Variants in NCOA2 observed in about 807,000 individuals in gnomAD.
NCOA2 encodes the protein nuclear receptor coactivator 2.
A neutral mutation model predicts 145.1 loss-of-function variants in NCOA2; 21 were observed. That is an observed-to-expected ratio of 0.14 (90% CI 0.10 to 0.21). The LOEUF (loss-of-function observed/expected upper bound fraction) is 0.21, where lower values mean the gene tolerates loss of function less well. NCOA2 is among the 10% of genes least tolerant of loss of function. The probability of loss-of-function intolerance (pLI) is 1.00; values close to 1 mark genes in which losing one functional copy is unlikely to be tolerated. For missense variants in NCOA2, 1,472 were observed against 1,837.6 expected, an observed-to-expected ratio of 0.80 and a Z score of 3.64; for synonymous variants, 619 against 637.5, an observed-to-expected ratio of 0.97 and a Z score of 0.44.
chr8:70,162,989 A>G (rs1813213190), intron 8 of NCOA2, 135 bp from the exon 9 acceptor site: 2 of 824,088 alleles, frequency 2.4e-6, no homozygotes, highest in African/African-American at 1.9e-5. Context: ...ATCTCAGCTC[A>G]CTGCAACCTC....
chr8:70,320,929 C>T (rs575730346), intron 1 of NCOA2, among the ~76,000 whole-genome samples: 1 of 152,228 alleles, frequency 6.6e-6, no homozygotes, highest in Non-Finnish European at 1.5e-5. Flanking sequence ...AAATATATAA[C>T]TTTCTGTATT....
At chr8:70,127,762 G>A (rs1365352101) in intron 18 of NCOA2, among the ~76,000 whole-genome samples, 1 of 152,216 alleles carries the variant, frequency 6.6e-6, no homozygotes, top group African/African-American at 2.4e-5. Context: ...CATGAGCACA[G>A]TGGTAAAACA....
At chr8:70,401,575 G>T (rs1157633498) in intron 1 of NCOA2, among the ~76,000 whole-genome samples, 1 of 151,420 alleles carries the variant, frequency 6.6e-6, no homozygotes, top group African/African-American at 2.4e-5. Context: ...CATCCCCAAT[G>T]CCGAAGTTTC....
At chr8:70,183,242 T>C (rs1815684362) in intron 4 of NCOA2, among the ~76,000 whole-genome samples, 1 of 152,092 alleles carries the variant, frequency 6.6e-6, no homozygotes, top group Non-Finnish European at 1.5e-5. Flanking sequence ...GTGAAAGAAA[T>C]GAGAAGTGAG....
chr8:70,174,435 A>G (rs1183552138), intron 5 of NCOA2, among the ~76,000 whole-genome samples: 2 of 152,232 alleles, frequency 1.3e-5, no homozygotes, highest in Non-Finnish European at 2.9e-5. Flanking sequence ...TTTTGAGAAC[A>G]TTTCAAGCTA....
chr8:70,415,277 C>T, the NCOA2 span, among the ~76,000 whole-genome samples: 1 of 151,884 alleles, frequency 6.6e-6, no homozygotes, highest in African/African-American at 2.4e-5. Context: ...TTCAGTGAGC[C>T]ATGTTCACAC....
At chr8:70,288,344 C>T (rs972771312) in intron 2 of NCOA2, among the ~76,000 whole-genome samples, 2 of 151,994 alleles carry the variant, frequency 1.3e-5, no homozygotes, top group Non-Finnish European at 1.5e-5. Flanking sequence ...TTTGGGAGGC[C>T]AAGGTGGGCA....
At chr8:70,364,012 G>GA (rs151109691) in intron 1 of NCOA2, among the ~76,000 whole-genome samples, 3,985 of 134,336 alleles carry the variant, frequency 0.03, 69 homozygotes, top group Non-Finnish European at 0.039. Context: ...ATACAACAAT[G>GA]AAAAAAAAAA....
At chr8:70,312,508 T>C (rs1353046440) in intron 1 of NCOA2, among the ~76,000 whole-genome samples, 3 of 152,234 alleles carry the variant, frequency 2.0e-5, no homozygotes, top group Non-Finnish European at 4.4e-5. Context: ...CTGACTGATA[T>C]ATACTTCAGA....
chr8:70,434,098 T>C, the NCOA2 span, among the ~76,000 whole-genome samples: 1 of 151,976 alleles, frequency 6.6e-6, no homozygotes. Context: ...AATAAATAAA[T>C]AACCAGGGAA....
At chr8:70,275,641 A>G (rs1825409589) in intron 2 of NCOA2, among the ~76,000 whole-genome samples, 1 of 152,190 alleles carries the variant, frequency 6.6e-6, no homozygotes, top group African/African-American at 2.4e-5. Context: ...ATATGAAAAA[A>G]ATTTTGAATT....
chr8:70,403,347 C>G (rs1016986018), intron 1 of NCOA2, among the ~76,000 whole-genome samples: 7 of 151,126 alleles, frequency 4.6e-5, no homozygotes, highest in African/African-American at 1.5e-4. Context: ...TCGCCCGCGC[C>G]GCGGGCTGCA....
intron 2 of NCOA2, among the ~76,000 whole-genome samples, chr8:70,218,211 T>TTG (rs1819824288): frequency 6.6e-6 from 1 of 150,944 alleles, no homozygotes; most frequent in Non-Finnish European, 1.5e-5. Flanking sequence ...TTTTTTTTTT[T>TTG]TTTTTTTAAA....
chr8:70,113,889 A>G (rs576339755), intron 22 of NCOA2, among the ~76,000 whole-genome samples: 2 of 152,312 alleles, frequency 1.3e-5, no homozygotes, highest in South Asian at 2.1e-4. Context: ...CTCGCAGGCC[A>G]TCGTCTGCAA....
chr8:70,123,934 A>G lies in NCOA2; in HGVS notation c.4243T>C (p.Ser1415Pro). ...NQMTGQISMT[S>P]VTSVPTSGLS... is the part of the protein sequence containing the mutation. Reference sequence around the variant, plus strand: ...CCTGACGTAGGCACGGAGGTCACTGAGGTCATGCTGATCTGTCCTGTCATC... The same window carrying G: ...CCTGACGTAGGCACGGAGGTCACTGGGGTCATGCTGATCTGTCCTGTCATC... The change falls in exon 21 of 23, where the codon TCA becomes CCA. Residue 1415 changes from serine (S) to proline (P), a missense_variant. This residue lies in a region of NCOA2 where 232 missense variants were observed against 290.6 expected (regional missense o/e 0.80). Transcript: ENST00000452400. 3 of 1,613,894 alleles carry G rather than the reference A, an allele frequency of 1.9e-6. No homozygotes were observed. The highest frequency in any genetic ancestry group is 2.5e-6 in the Non-Finnish European group (3 of 1,179,820).
chr8:70,145,394 G>A (rs1382674011), intron 12 of NCOA2, among the ~76,000 whole-genome samples: 6 of 150,380 alleles, frequency 4.0e-5, no homozygotes, highest in Non-Finnish European at 7.4e-5. Context: ...GCCCGATCTC[G>A]GCTCACTGCA....
chr8:70,297,902 A>AT (rs1827206430), intron 1 of NCOA2, among the ~76,000 whole-genome samples: 1 of 152,320 alleles, frequency 6.6e-6, no homozygotes, highest in South Asian at 2.1e-4. Flanking sequence ...TGCTTACGGC[A>AT]TTTTATGTAT....
At chr8:70,149,653 G>A (rs1811535664) in intron 11 of NCOA2, among the ~76,000 whole-genome samples, 1 of 150,042 alleles carries the variant, frequency 6.7e-6, no homozygotes, top group African/African-American at 2.5e-5. Context: ...GCACTTTTCT[G>A]CTAGGAAGCT....
At chr8:70,341,082 G>GAAAAAAA (rs3085558) in intron 1 of NCOA2, among the ~76,000 whole-genome samples, 7,911 of 104,450 alleles carry the variant, frequency 0.076, 277 homozygotes, top group East Asian at 0.25. Context: ...TTAAAAAGTT[G>GAAAAAAA]AAAAAAAAAA....
Sources: gnomAD v4.1 joint callset for allele counts (sites outside exome capture counted in the v4.1 genomes callset) on GRCh38, gnomAD v4.1.1 for gene constraint, gnomAD v4.1.1 regional missense constraint, MANE v1.5 for transcripts, NCBI Gene and HGNC (gene_info 2026-07-23, HGNC 2026-07-21) for gene names.